Variants in SDK1 observed in about 807,000 individuals in gnomAD.
SDK1 encodes protein sidekick-1.
A neutral mutation model predicts 245.5 loss-of-function variants in SDK1; 157 were observed. The observed-to-expected ratio is 0.64, with a 90% CI of 0.56 to 0.73. SDK1 has a LOEUF of 0.73. Ranked by LOEUF, SDK1 falls within the 30% of genes least tolerant of loss-of-function variation. The probability of loss-of-function intolerance (pLI) is 0.00; values close to 1 mark genes in which losing one functional copy is unlikely to be tolerated. For synonymous variants in SDK1, 1,647 were observed against 1,278.5 expected (o/e 1.29, Z -6.15); for missense variants, 3,583 against 3,002.3 (o/e 1.19, Z -4.52).
chr7:3,552,537 A>T (rs1206494998), intron 1 of SDK1, among the ~76,000 whole-genome samples: 2 of 152,220 alleles, frequency 1.3e-5, no homozygotes, highest in East Asian at 3.8e-4. Flanking sequence ...TTTATGATCC[A>T]TATTTTTTCC....
chr7:3,604,831 A>G (rs930412406), intron 1 of SDK1, among the ~76,000 whole-genome samples: 3 of 150,806 alleles, frequency 2.0e-5, no homozygotes, highest in South Asian at 2.1e-4. Context: ...TGAACTCCCA[A>G]CTTCTGGTGA....
intron 1 of SDK1, among the ~76,000 whole-genome samples, chr7:3,506,397 C>A (rs1201227430): frequency 6.6e-6 from 1 of 152,064 alleles, no homozygotes; most frequent in Non-Finnish European, 1.5e-5. Context: ...TTGTTTGCTT[C>A]TATTTATCAC....
chr7:4,123,611 G>A (rs55974266), intron 25 of SDK1, among the ~76,000 whole-genome samples: 4,377 of 152,208 alleles, frequency 0.029, 90 homozygotes, highest in Non-Finnish European at 0.042. Flanking sequence ...CCCTTTCCGT[G>A]ACACCTCTCT....
chr7:3,418,888 A>C (rs1251624086), intron 1 of SDK1, among the ~76,000 whole-genome samples: 3 of 152,200 alleles, frequency 2.0e-5, no homozygotes, highest in African/African-American at 7.2e-5. Flanking sequence ...TCAGTCTTAC[A>C]GTCAGCCCTG....
chr7:3,694,389 C>G (rs1299704590), intron 4 of SDK1, among the ~76,000 whole-genome samples: 3 of 152,142 alleles, frequency 2.0e-5, no homozygotes, highest in African/African-American at 7.2e-5. Context: ...CATAGACACT[C>G]ACAGTTAGAT....
At chr7:4,215,057 G>A (rs1054107791) in intron 38 of SDK1, among the ~76,000 whole-genome samples, 16 of 152,166 alleles carry the variant, frequency 1.1e-4, no homozygotes, top group Admixed American at 3.9e-4. Context: ...GCAGAGCCTC[G>A]GGACCCTGGC....
At chr7:4,058,644 G>C (rs558979305) in intron 19 of SDK1, among the ~76,000 whole-genome samples, 1 of 152,306 alleles carries the variant, frequency 6.6e-6, no homozygotes, top group South Asian at 2.1e-4. Context: ...CAGACTAACA[G>C]TGGATTTATC....
intron 5 of SDK1, among the ~76,000 whole-genome samples, chr7:3,864,011 G>A (rs1047225055): frequency 2.6e-5 from 4 of 152,172 alleles, no homozygotes; most frequent in African/African-American, 9.7e-5. Flanking sequence ...ACATCATACT[G>A]TTTTCCACAA....
chr7:3,788,393 C>T (rs1448241172), intron 4 of SDK1, among the ~76,000 whole-genome samples: 2 of 152,102 alleles, frequency 1.3e-5, no homozygotes, highest in African/African-American at 2.4e-5. Flanking sequence ...TTCTGCCAGG[C>T]CGGAGAGTCT....
At chr7:3,409,334 G>A (rs1188737513) in intron 1 of SDK1, among the ~76,000 whole-genome samples, 2 of 144,130 alleles carry the variant, frequency 1.4e-5, no homozygotes, top group Non-Finnish European at 3.0e-5. Context: ...GAGGCCATCT[G>A]AACAATACTC....
intron 17 of SDK1, among the ~76,000 whole-genome samples, chr7:4,048,450 G>A (rs1789181044): frequency 6.6e-6 from 1 of 152,090 alleles, no homozygotes; most frequent in African/African-American, 2.4e-5. Context: ...CAATCCCAGC[G>A]AGACCCGCGC....
intron 1 of SDK1, among the ~76,000 whole-genome samples, chr7:3,448,991 A>G (rs1013671959): frequency 1.1e-4 from 16 of 152,190 alleles, no homozygotes; most frequent in African/African-American, 3.4e-4. Context: ...TGGGGAAAAA[A>G]GGGAAAGTTT....
intron 4 of SDK1, among the ~76,000 whole-genome samples, chr7:3,801,580 C>G (rs770289500): frequency 6.6e-6 from 1 of 152,094 alleles, no homozygotes; most frequent in East Asian, 1.9e-4. Context: ...TCAGGTTTGA[C>G]GAAAACAGGA....
chr7:3,586,537 A>T (rs1258891956), intron 1 of SDK1, among the ~76,000 whole-genome samples: 1 of 150,368 alleles, frequency 6.7e-6, no homozygotes, highest in African/African-American at 2.5e-5. Context: ...CTCTACAAAA[A>T]ATACAAAAAA....
intron 1 of SDK1, among the ~76,000 whole-genome samples, chr7:3,451,179 G>T (rs1011409964): frequency 6.6e-6 from 1 of 152,128 alleles, no homozygotes; most frequent in Non-Finnish European, 1.5e-5. Flanking sequence ...CAAGACGTGA[G>T]CAATGTCCTA....
intron 5 of SDK1, among the ~76,000 whole-genome samples, chr7:3,912,699 TATC>T (rs1779218241): frequency 6.6e-6 from 1 of 152,220 alleles, no homozygotes; most frequent in Admixed American, 6.5e-5. Flanking sequence ...TGCATTTACT[TATC>T]ATTCTCCTCT....
intron 4 of SDK1, among the ~76,000 whole-genome samples, chr7:3,690,956 G>A (rs1056541726): frequency 6.6e-6 from 1 of 152,150 alleles, no homozygotes; most frequent in Non-Finnish European, 1.5e-5. Context: ...TTCCTTCCAG[G>A]ACTCTGTGAC....
chr7:3,326,496 T>A (rs1300374260), intron 1 of SDK1, among the ~76,000 whole-genome samples: 1 of 152,160 alleles, frequency 6.6e-6, no homozygotes, highest in Non-Finnish European at 1.5e-5. Flanking sequence ...AGTTGTCTGG[T>A]AATTCTGTTA....
At position 3,629,984 on chromosome 7, in the gene SDK1, A is replaced by G. The variant is rs74637827; in HGVS notation, c.459-9020A>G. On this transcript the variant is annotated intron_variant, in intron 2 of 44. Coordinates refer to ENST00000404826, the MANE Select transcript of SDK1 (RefSeq NM_152744.4). ...AATCTAACTTATAAGGATGAAAACT[A>G]TAATGTGTGAGATAAACATTGGATG... Among the ~76,000 whole-genome samples, 954 of 152,378 alleles carry G rather than the reference A, an allele frequency of 6.3e-3. 13 individuals are homozygous for G. The highest frequency in any genetic ancestry group is 0.014 in the Admixed American group (216 of 15,310).
Sources: gnomAD v4.1 joint callset for allele counts (sites outside exome capture counted in the v4.1 genomes callset) on GRCh38, gnomAD v4.1.1 for gene constraint, MANE v1.5 for transcripts, NCBI Gene and HGNC (gene_info 2026-07-23, HGNC 2026-07-21) for gene names.